The following FBXO4 variants were observed in gnomAD, a reference collection of about 807,000 sequenced individuals.
The protein encoded by FBXO4 is F-box protein 4.
A neutral mutation model predicts 43.7 loss-of-function variants in FBXO4; 36 were observed. The ratio of observed to expected loss-of-function variants is 0.82; its 90% CI spans 0.63 to 1.09. FBXO4 has a LOEUF of 1.09. Among genes scored for constraint, FBXO4 ranks in the 50% least tolerant of loss-of-function variants. FBXO4 has a pLI of 0.00. For missense variants in FBXO4, 435 were observed against 474.1 expected (o/e 0.92, Z 0.77); for synonymous variants, 180 against 165.6 (o/e 1.09, Z -0.67).
At chr5:41,976,511 T>A in the FBXO4 span, among the ~76,000 whole-genome samples, 1 of 152,178 alleles carries the variant, frequency 6.6e-6, no homozygotes, top group Admixed American at 6.5e-5. Context: ...AAAGGGGTAA[T>A]AGGCCCCATG....
chr5:42,030,775 A>G, the FBXO4 span, among the ~76,000 whole-genome samples: 1 of 152,018 alleles, frequency 6.6e-6, no homozygotes, highest in Non-Finnish European at 1.5e-5. Context: ...AAAACAAACA[A>G]CCCCATCAAA....
the FBXO4 span, among the ~76,000 whole-genome samples, chr5:41,986,463 A>T: frequency 4.1e-3 from 626 of 152,254 alleles, 3 homozygotes; most frequent in African/African-American, 0.014. Context: ...CAGAGAATTT[A>T]TTGGTTTAAG....
chr5:42,001,894 T>C, the FBXO4 span, among the ~76,000 whole-genome samples: 31 of 152,244 alleles, frequency 2.0e-4, no homozygotes, highest in African/African-American at 7.5e-4. Flanking sequence ...TTTCACTATG[T>C]TGGCCAGGCT....
At chr5:42,024,497 A>G in the FBXO4 span, among the ~76,000 whole-genome samples, 2 of 152,046 alleles carry the variant, frequency 1.3e-5, no homozygotes, top group East Asian at 1.9e-4. Flanking sequence ...GCAATGTATA[A>G]TAATTACATC....
the FBXO4 span, among the ~76,000 whole-genome samples, chr5:42,014,203 G>A: frequency 1.3e-5 from 2 of 151,994 alleles, no homozygotes; most frequent in African/African-American, 4.8e-5. Context: ...GAAAATTTTG[G>A]TCTATTCATT....
At chr5:42,018,864 C>T in the FBXO4 span, among the ~76,000 whole-genome samples, 5 of 152,090 alleles carry the variant, frequency 3.3e-5, no homozygotes, top group African/African-American at 1.2e-4. Context: ...TCATCTTTGT[C>T]AATGCAAAAC....
intron 5 of FBXO4, among the ~76,000 whole-genome samples, chr5:41,936,579 T>C (rs761813384): frequency 6.6e-6 from 1 of 151,802 alleles, no homozygotes; most frequent in African/African-American, 2.4e-5. Context: ...GTGGAAAAGG[T>C]GGACAATATG....
At chr5:41,965,985 G>A in the FBXO4 span, among the ~76,000 whole-genome samples, 27 of 152,234 alleles carry the variant, frequency 1.8e-4, no homozygotes, top group Admixed American at 2.6e-4. Flanking sequence ...TGATGAGTTC[G>A]TGTCCTTTGT....
At chr5:41,999,681 C>G in the FBXO4 span, among the ~76,000 whole-genome samples, 2 of 150,522 alleles carry the variant, frequency 1.3e-5, no homozygotes, top group South Asian at 4.2e-4. Context: ...CTGAAGAACT[C>G]AGAGTTCAAT....
At chr5:41,958,024 A>AAT in the FBXO4 span, among the ~76,000 whole-genome samples, 215 of 152,200 alleles carry the variant, frequency 1.4e-3, no homozygotes, top group African/African-American at 4.9e-3. Flanking sequence ...AAGATGTTTT[A>AAT]ATATATATAT....
intron 5 of FBXO4, among the ~76,000 whole-genome samples, chr5:41,937,617 C>T (rs955969180): frequency 1.3e-5 from 2 of 152,158 alleles, no homozygotes; most frequent in African/African-American, 4.8e-5. Context: ...CCCAAGACTA[C>T]TTAGTCTAAT....
the FBXO4 span, among the ~76,000 whole-genome samples, chr5:42,025,638 T>C: frequency 6.6e-6 from 1 of 152,008 alleles, no homozygotes; most frequent in African/African-American, 2.4e-5. Flanking sequence ...CTGGAGATTT[T>C]CCCCAGCATT....
chr5:41,956,834 T>C, the FBXO4 span, among the ~76,000 whole-genome samples: 6 of 151,106 alleles, frequency 4.0e-5, no homozygotes, highest in African/African-American at 1.5e-4. Context: ...TGCCTCAGCC[T>C]CCCAAGTAGC....
At chr5:41,973,306 G>A in the FBXO4 span, among the ~76,000 whole-genome samples, 27 of 152,066 alleles carry the variant, frequency 1.8e-4, no homozygotes, top group Non-Finnish European at 3.2e-4. Context: ...CACCCAACGC[G>A]CATATTTAAA....
chr5:42,039,499 C>A, the FBXO4 span, among the ~76,000 whole-genome samples: 2 of 152,170 alleles, frequency 1.3e-5, no homozygotes, highest in Admixed American at 6.6e-5. Context: ...GCACTTCTTT[C>A]TCCTCTGTCA....
downstream of FBXO4, among the ~76,000 whole-genome samples, chr5:41,944,391 T>A (rs1235342378): frequency 6.6e-6 from 1 of 152,206 alleles, no homozygotes; most frequent in Non-Finnish European, 1.5e-5. Context: ...TGGTTCACTA[T>A]TACCTCTAGG....
the FBXO4 span, among the ~76,000 whole-genome samples, chr5:42,003,129 A>G: frequency 1.3e-5 from 2 of 152,236 alleles, no homozygotes; most frequent in Non-Finnish European, 2.9e-5. Context: ...ATACAATCAC[A>G]AAGTCTTTTC....
At chr5:41,983,047 C>G in the FBXO4 span, among the ~76,000 whole-genome samples, 1 of 152,182 alleles carries the variant, frequency 6.6e-6, no homozygotes, top group South Asian at 2.1e-4. Context: ...AGGACGTGAA[C>G]TCATCCTTTT....
the FBXO4 span, among the ~76,000 whole-genome samples, chr5:41,958,484 C>A: frequency 8.5e-5 from 13 of 152,174 alleles, no homozygotes; most frequent in African/African-American, 2.7e-4. Context: ...AACATGAGTA[C>A]AATAGAGCTC....
Sources: allele counts gnomAD v4.1 joint callset (sites outside exome capture counted in the v4.1 genomes callset), GRCh38; gene constraint gnomAD v4.1.1; transcripts MANE v1.5; gene names NCBI Gene and HGNC (gene_info 2026-07-23, HGNC 2026-07-21).